The following LMTK2 variants were observed in gnomAD, a reference collection of about 807,000 sequenced individuals.
LMTK2 encodes the protein serine/threonine-protein kinase LMTK2.
LMTK2 carries 37 observed loss-of-function variants against 127.5 expected under a neutral mutation model. That is an observed-to-expected ratio of 0.29 (90% CI 0.22 to 0.38). LMTK2 has a LOEUF of 0.38. Among genes scored for constraint, LMTK2 ranks in the 10% least tolerant of loss-of-function variants. LMTK2 has a pLI of 1.00. For synonymous variants in LMTK2, 819 were observed against 810.1 expected (o/e 1.01, Z -0.19); for missense variants, 1,694 against 1,920.3 (o/e 0.88, Z 2.20).
At chr7:98,125,067 G>A (rs1018834965) in intron 1 of LMTK2, among the ~76,000 whole-genome samples, 5 of 151,796 alleles carry the variant, frequency 3.3e-5, no homozygotes, top group African/African-American at 1.2e-4. Flanking sequence ...ACTTTGGGAG[G>A]CCGAGGCGGG....
intron 1 of LMTK2, among the ~76,000 whole-genome samples, chr7:98,117,131 A>G (rs960850134): frequency 6.6e-6 from 1 of 152,206 alleles, no homozygotes; most frequent in Admixed American, 6.5e-5. Flanking sequence ...ATGGTGTACG[A>G]GTGCAGGGTC....
At chr7:98,160,070 A>G (rs920398316) in intron 6 of LMTK2, among the ~76,000 whole-genome samples, 1 of 152,216 alleles carries the variant, frequency 6.6e-6, no homozygotes, top group Non-Finnish European at 1.5e-5. Context: ...TCCCGCATGC[A>G]GAATATTTCA....
intron 13 of LMTK2, among the ~76,000 whole-genome samples, chr7:98,205,263 G>A (rs1342926446): frequency 6.6e-5 from 10 of 152,204 alleles, no homozygotes; most frequent in Admixed American, 5.9e-4. Flanking sequence ...AGCGCCCAGC[G>A]GGCATTTGAG....
intron 1 of LMTK2, among the ~76,000 whole-genome samples, chr7:98,121,508 C>G (rs969300803): frequency 2.0e-5 from 3 of 151,764 alleles, no homozygotes; most frequent in African/African-American, 7.3e-5. Flanking sequence ...TGGTGTGCAC[C>G]TTTAGTCCCA....
At position 98,193,148 on chromosome 7, in the gene LMTK2, C is replaced by T; in HGVS notation, c.2683C>T (p.Arg895Ter). 2 of 1,613,414 alleles carry T rather than the reference C, an allele frequency of 1.2e-6. No homozygotes were observed. The highest frequency in any genetic ancestry group is 1.7e-6 in the Non-Finnish European group (2 of 1,179,956). ...TCCTGGCGAGAGTGAGGAGACCCTG[C>T]GACTCACCGAAAGTGACTCTGTTCT... ...DSPGESEETL[R>*]LTESDSVLAD... The change falls in exon 11 of 14, where the codon CGA (arginine) becomes TGA (stop). Residue 895 changes from arginine (R) to a stop codon, truncating the protein, a stop_gained. Coordinates refer to ENST00000297293, the MANE Select transcript of LMTK2 (RefSeq NM_014916.4). LOFTEE classifies it high-confidence loss of function. The surrounding 1 kb of genome is among the most constrained non-coding windows in gnomAD (Gnocchi z 4.1).
chr7:98,140,293 T>A (rs1334968934), intron 2 of LMTK2, among the ~76,000 whole-genome samples: 1 of 151,588 alleles, frequency 6.6e-6, no homozygotes, highest in Admixed American at 6.6e-5. Context: ...CCAGTAGTCC[T>A]GCGCCACCAT....
Position 98,155,790 on chromosome 7 carries a change from CAGAAA to C in LMTK2, c.569+920_569+924del, listed in dbSNP as rs996754109. 1.6e-4 allele frequency among the ~76,000 whole-genome samples: 25 copies of C among 151,858 alleles called. 1 individual carries two copies. In the South Asian group the frequency reaches 2.9e-3, roughly 18 times the overall value. On this transcript the variant is annotated intron_variant, in intron 5 of 13. Transcript: ENST00000297293. ...GCCTTAGAAGAATGAGTTTTCTAAACAGAAAAGAAATGATAAAAGGAGGCGTCTTG... is the reference window on the plus strand; with the variant it reads ...GCCTTAGAAGAATGAGTTTTCTAAACAGAAATGATAAAAGGAGGCGTCTTG...
rs115710764 is a variant in LMTK2 at position 98,116,470 on chromosome 7, G to A, written c.103+9190G>A. 5.7e-3 allele frequency among the ~76,000 whole-genome samples: 866 copies of A among 152,096 alleles called. 11 individuals are homozygous for A. Among genetic ancestry groups the A allele is most frequent in the African/African-American group, 0.02 (829 of 41,500 alleles). ...TCCGCGTGTGTGTGTGTGAAGGAGA[G>A]GGTATGAGCTGAAGCCTCTCATTCT... On this transcript the variant is annotated intron_variant, in intron 1 of 13. Coordinates refer to ENST00000297293, the MANE Select transcript of LMTK2 (RefSeq NM_014916.4).
chr7:98,111,422 G>T (rs556311072), intron 1 of LMTK2, among the ~76,000 whole-genome samples: 2 of 152,238 alleles, frequency 1.3e-5, no homozygotes, highest in South Asian at 4.1e-4. Flanking sequence ...CAACTTTTTC[G>T]TTTAGTTGAG....
chr7:98,196,887 C>T (rs547639833), intron 11 of LMTK2, among the ~76,000 whole-genome samples: 1 of 152,310 alleles, frequency 6.6e-6, no homozygotes, highest in East Asian at 1.9e-4. Flanking sequence ...TGAGGAAGAT[C>T]TTTCTGATGA....
chr7:98,199,783 C>G (rs1448859851), intron 11 of LMTK2, among the ~76,000 whole-genome samples: 2 of 152,270 alleles, frequency 1.3e-5, no homozygotes, highest in African/African-American at 4.8e-5. Context: ...GCGTGAGCCA[C>G]CGCTCCTGGC....
At chr7:98,187,672 C>T (rs377339881) in intron 9 of LMTK2, among the ~76,000 whole-genome samples, 3 of 122,246 alleles carry the variant, frequency 2.5e-5, no homozygotes, top group East Asian at 2.4e-4. Flanking sequence ...GGTGTAGTCT[C>T]GGCTCACGGC....
At chr7:98,174,642 G>A (rs1368831486) in intron 7 of LMTK2, among the ~76,000 whole-genome samples, 6 of 152,204 alleles carry the variant, frequency 3.9e-5, no homozygotes, top group African/African-American at 1.4e-4. Context: ...TCATGGAGCT[G>A]GAGACCTGGA....
chr7:98,202,639 C>G (rs1375301916), intron 11 of LMTK2, among the ~76,000 whole-genome samples: 1 of 152,160 alleles, frequency 6.6e-6, no homozygotes, highest in African/African-American at 2.4e-5. Flanking sequence ...AGTGTCAGCT[C>G]CCAGTTCCCC....
intron 3 of LMTK2, among the ~76,000 whole-genome samples, chr7:98,147,993 C>T (rs902985545): frequency 2.0e-5 from 3 of 152,050 alleles, no homozygotes; most frequent in African/African-American, 2.4e-5. Flanking sequence ...GTCAGGAGTT[C>T]GAGACCAGCC....
Position 98,194,110 on chromosome 7 carries a change from C to T in LMTK2, c.3645C>T (p.Phe1215=), listed in dbSNP as rs751017654. The change falls in exon 11 of 14, where the codon TTC becomes TTT. Residue 1215 remains phenylalanine, a synonymous_variant. Coordinates refer to ENST00000297293, the MANE Select transcript of LMTK2 (RefSeq NM_014916.4). This position sits in a 1 kb window ranked among gnomAD's most constrained non-coding sequence, Gnocchi z 5.4. ...LNAELSSGDD[F]ETQDDRPCTL... The stretch of plus-strand genomic sequence containing the variant: ...CAGAACTTAGCAGCGGCGATGACTT[C>T]GAGACACAGGACGATCGCCCCTGCA... 6.8e-6 allele frequency: 11 copies of T among 1,614,060 alleles called. No homozygotes were observed. The highest frequency in any genetic ancestry group is 5.5e-5 in the South Asian group (5 of 91,086).
chr7:98,136,289 A>G (rs555460169), intron 1 of LMTK2, among the ~76,000 whole-genome samples: 2 of 152,334 alleles, frequency 1.3e-5, no homozygotes, highest in Admixed American at 6.5e-5. Context: ...GAGGGGACCA[A>G]TCTTCCTTAC....
intron 11 of LMTK2, among the ~76,000 whole-genome samples, chr7:98,196,190 A>G (rs898325073): frequency 2.1e-5 from 3 of 139,912 alleles, no homozygotes; most frequent in Admixed American, 7.1e-5. Context: ...CCTGTCTCAG[A>G]AAAAAAAAAA....
chr7:98,171,502 GTGGCTCGTTTGGAAAC>G lies in LMTK2; in HGVS notation c.658-37_658-22del. ...GTATTTAAGCGCTCACTTTATTCCT[GTGGCTCGTTTGGAAAC>G]TCACACGGGCTGACTTTTGCAGGGT... is the stretch of plus-strand genomic sequence containing the variant. On this transcript the variant is annotated intron_variant, in intron 6 of 13. Transcript: ENST00000297293. This position sits in a 1 kb window ranked among gnomAD's most constrained non-coding sequence, Gnocchi z 5.1. The G allele has an allele frequency of 6.2e-7, 1 of 1,613,762 alleles. No homozygotes were observed. Among genetic ancestry groups the G allele is most frequent in the Non-Finnish European group, 8.5e-7 (1 of 1,179,984 alleles).
Sources: gnomAD v4.1 joint callset for allele counts (sites outside exome capture counted in the v4.1 genomes callset) on GRCh38, gnomAD v4.1.1 for gene constraint, Gnocchi (gnomAD v3.1) non-coding constraint, MANE v1.5 for transcripts, NCBI Gene and HGNC (gene_info 2026-07-23, HGNC 2026-07-21) for gene names.